Variants in ROBO2 observed in about 807,000 individuals in gnomAD.
ROBO2 encodes roundabout guidance receptor 2.
In ROBO2, 53 loss-of-function variants were observed where a neutral mutation model predicts 160.8. The observed-to-expected ratio is 0.33, with a 90% confidence interval of 0.26 to 0.41. The LOEUF (loss-of-function observed/expected upper bound fraction) is 0.41, where lower values mean the gene tolerates loss of function less well. ROBO2 is among the 10% of genes least tolerant of loss of function. The pLI, the probability that ROBO2 is intolerant of heterozygous loss-of-function variation, is 1.00. For missense variants in ROBO2, 1,577 were observed against 1,722.4 expected (o/e 0.92, Z 1.49); for synonymous variants, 664 against 611.7 (o/e 1.09, Z -1.26).
At chr3:77,370,734 A>G (rs1319828537) in intron 2 of ROBO2, among the ~76,000 whole-genome samples, 1 of 143,792 alleles carries the variant, frequency 7.0e-6, no homozygotes. Flanking sequence ...GACACATGAA[A>G]ACTTGATGAA....
intron 2 of ROBO2, among the ~76,000 whole-genome samples, chr3:76,235,638 G>C (rs1704897117): frequency 6.6e-6 from 1 of 152,080 alleles, no homozygotes; most frequent in South Asian, 2.1e-4. Flanking sequence ...GCAACCCTCA[G>C]GGTAACTTTC....
chr3:77,011,065 CT>C (rs764497391), intron 2 of ROBO2, among the ~76,000 whole-genome samples: 21 of 116,344 alleles, frequency 1.8e-4, no homozygotes, highest in South Asian at 8.0e-4. Flanking sequence ...TTCTTTCTTT[CT>C]TTCTTTCTTT....
chr3:76,034,856 T>G (rs2067051397), intron 2 of ROBO2, among the ~76,000 whole-genome samples: 4 of 152,116 alleles, frequency 2.6e-5, no homozygotes, highest in African/African-American at 9.7e-5. Context: ...TCAAACTGCC[T>G]GTAATTTTCT....
At chr3:76,646,052 C>G (rs1251543430) in intron 2 of ROBO2, among the ~76,000 whole-genome samples, 1 of 152,010 alleles carries the variant, frequency 6.6e-6, no homozygotes, top group Non-Finnish European at 1.5e-5. Context: ...GCTAAGTGTT[C>G]GAGACGTGAT....
At chr3:76,621,029 T>C (rs1035055655) in intron 2 of ROBO2, among the ~76,000 whole-genome samples, 16 of 152,176 alleles carry the variant, frequency 1.1e-4, no homozygotes, top group African/African-American at 3.9e-4. Flanking sequence ...TTTCAGTCCT[T>C]GAAAGGTCAC....
At chr3:76,308,356 G>A (rs1402781309) in intron 2 of ROBO2, among the ~76,000 whole-genome samples, 1 of 114,108 alleles carries the variant, frequency 8.8e-6, no homozygotes. Flanking sequence ...CAGCCTGGGT[G>A]ACAGCGTGAG....
At chr3:77,321,074 A>C (rs1431374922) in intron 2 of ROBO2, among the ~76,000 whole-genome samples, 1 of 152,298 alleles carries the variant, frequency 6.6e-6, no homozygotes, top group East Asian at 1.9e-4. Context: ...GATTTTTTTC[A>C]TAATTTATTG....
chr3:76,395,594 A>T (rs1296769089), intron 2 of ROBO2, among the ~76,000 whole-genome samples: 1 of 151,924 alleles, frequency 6.6e-6, no homozygotes, highest in South Asian at 2.1e-4. Flanking sequence ...TAAAGAAAAA[A>T]AGAGAGAAGA....
intron 6 of ROBO2, among the ~76,000 whole-genome samples, chr3:77,528,185 T>C (rs984193336): frequency 1.9e-4 from 29 of 151,668 alleles, no homozygotes; most frequent in African/African-American, 7.0e-4. Flanking sequence ...CCAATAACTA[T>C]GTTTAAATAA....
intron 2 of ROBO2, among the ~76,000 whole-genome samples, chr3:77,135,122 C>T (rs777280403): frequency 5.3e-5 from 8 of 152,198 alleles, no homozygotes; most frequent in African/African-American, 9.7e-5. Context: ...GCAGCAATTA[C>T]ACCTCCTGAC....
chr3:76,279,934 A>G (rs1023010791), intron 2 of ROBO2, among the ~76,000 whole-genome samples: 3 of 151,962 alleles, frequency 2.0e-5, no homozygotes, highest in African/African-American at 7.2e-5. Context: ...CCCAGGGCCT[A>G]GTCCCAGACC....
chr3:77,507,770 A>G (rs1468724367), intron 5 of ROBO2, among the ~76,000 whole-genome samples: 2 of 152,184 alleles, frequency 1.3e-5, no homozygotes, highest in Non-Finnish European at 2.9e-5. Context: ...TCCAGTAGGA[A>G]CAAATGTTCT....
chr3:76,701,769 T>A (rs1178303426), intron 2 of ROBO2, among the ~76,000 whole-genome samples: 1 of 151,960 alleles, frequency 6.6e-6, no homozygotes, highest in African/African-American at 2.4e-5. Context: ...ATTGCAGGCA[T>A]TTTCTTTATA....
chr3:77,075,201 G>A (rs1287768326), intron 1 of ROBO2, among the ~76,000 whole-genome samples: 2 of 152,046 alleles, frequency 1.3e-5, no homozygotes, highest in Non-Finnish European at 2.9e-5. Context: ...GGTTTTTTGG[G>A]ACTCATATCT....
chr3:77,300,582 A>T (rs375986604), intron 2 of ROBO2, among the ~76,000 whole-genome samples: 1 of 152,138 alleles, frequency 6.6e-6, no homozygotes, highest in African/African-American at 2.4e-5. Context: ...TTAAAAAAAA[A>T]ATAAATTGTT....
chr3:76,958,177 A>T (rs1430627068), intron 2 of ROBO2, among the ~76,000 whole-genome samples: 1 of 152,256 alleles, frequency 6.6e-6, no homozygotes, highest in Non-Finnish European at 1.5e-5. Flanking sequence ...GACCATTGCA[A>T]GCTAAGGTCT....
At chr3:75,927,288 T>C (rs148339996) in intron 1 of ROBO2, among the ~76,000 whole-genome samples, 1 of 152,222 alleles carries the variant, frequency 6.6e-6, no homozygotes, top group Non-Finnish European at 1.5e-5. Flanking sequence ...TTTCTCTGCA[T>C]TCTTGAAGTT....
At chr3:76,511,964 A>T (rs911872592) in intron 2 of ROBO2, among the ~76,000 whole-genome samples, 1 of 152,168 alleles carries the variant, frequency 6.6e-6, no homozygotes, top group Non-Finnish European at 1.5e-5. Flanking sequence ...GACCATAATG[A>T]CCATGTTAAC....
intron 2 of ROBO2, among the ~76,000 whole-genome samples, chr3:76,948,268 G>T (rs2149155045): frequency 6.6e-6 from 1 of 152,222 alleles, no homozygotes; most frequent in South Asian, 2.1e-4. Flanking sequence ...CTTTAGATAT[G>T]AATTTGTTTT....
Sources: allele counts gnomAD v4.1 joint callset (sites outside exome capture counted in the v4.1 genomes callset), GRCh38; gene constraint gnomAD v4.1.1; transcripts MANE v1.5; gene names NCBI Gene and HGNC (gene_info 2026-07-23, HGNC 2026-07-21).